DIPK1A: variants seen among roughly 807,000 people sequenced by gnomAD.
DIPK1A encodes family with sequence similarity 69 member A.
In DIPK1A, 27 loss-of-function variants were observed where a neutral mutation model predicts 40.8. The observed-to-expected ratio is 0.66, with a 90% CI of 0.49 to 0.91. DIPK1A has a LOEUF of 0.91. DIPK1A is among the 40% of genes least tolerant of loss of function. DIPK1A has a pLI of 0.00. For synonymous variants in DIPK1A, 166 were observed against 171.3 expected (o/e 0.97, Z 0.24); for missense variants, 412 against 505.7 (o/e 0.81, Z 1.78).
At position 92,843,941 on chromosome 1, in the gene DIPK1A, C is replaced by T; in HGVS notation, c.729G>A (p.Trp243Ter). ...CAGATGGAATAAAAAGTTCAATGAC[C>T]CAAGGAAGGCTTATTCCATAAAGAG... is the stretch of plus-strand genomic sequence containing the variant. ...YTSLYGISLP[W>*]VIELFIPSGF... The change falls in exon 5 of 5, where the codon TGG (tryptophan) becomes TGA (stop). Residue 243 changes from tryptophan to a stop codon, truncating the protein, a stop_gained. Coordinates refer to ENST00000370310, the MANE Select transcript of DIPK1A (RefSeq NM_001006605.5). LOFTEE classifies it high-confidence loss of function. 6.4e-7 allele frequency: 1 copy of T among 1,551,782 alleles called. No homozygotes were observed. The highest frequency in any genetic ancestry group is 8.7e-7 in the Non-Finnish European group (1 of 1,147,032).
At chr1:92,905,893 T>C (rs1239789698) in intron 1 of DIPK1A, among the ~76,000 whole-genome samples, 1 of 152,188 alleles carries the variant, frequency 6.6e-6, no homozygotes, top group Non-Finnish European at 1.5e-5. Flanking sequence ...CTTTCCCCAA[T>C]GTATATTCTT....
chr1:92,853,228 T>C (rs1258092223), intron 2 of DIPK1A, among the ~76,000 whole-genome samples: 1 of 151,776 alleles, frequency 6.6e-6, no homozygotes, highest in Non-Finnish European at 1.5e-5. Flanking sequence ...TGGGAACAAG[T>C]GGAAAAGAAA....
chr1:92,848,489 G>C (rs1485233631), intron 3 of DIPK1A, among the ~76,000 whole-genome samples: 2 of 152,162 alleles, frequency 1.3e-5, no homozygotes, highest in African/African-American at 2.4e-5. Flanking sequence ...TGCCTGGAAT[G>C]TACTCTCCCA....
downstream of DIPK1A, chr1:92,837,478 G>T (rs1397041399): frequency 6.2e-6 from 10 of 1,613,212 alleles, no homozygotes; most frequent in Non-Finnish European, 7.6e-6. Context: ...CCCTGGTTAT[G>T]ATTCTGAAAG....
chr1:92,938,329 A>C (rs772897596), intron 1 of DIPK1A, among the ~76,000 whole-genome samples: 1 of 152,140 alleles, frequency 6.6e-6, no homozygotes, highest in Non-Finnish European at 1.5e-5. Flanking sequence ...ATGGTGGTGC[A>C]TACTTGTAGT....
intron 1 of DIPK1A, among the ~76,000 whole-genome samples, chr1:92,878,304 G>A (rs914053333): frequency 6.6e-6 from 1 of 152,116 alleles, no homozygotes; most frequent in East Asian, 1.9e-4. Context: ...CAGCACTTTC[G>A]GAGGCTGAGG....
At chr1:92,897,173 A>G (rs1246025305) in intron 1 of DIPK1A, among the ~76,000 whole-genome samples, 1 of 152,250 alleles carries the variant, frequency 6.6e-6, no homozygotes, top group African/African-American at 2.4e-5. Context: ...CCAAAGGATT[A>G]TAAATCATGC....
intron 1 of DIPK1A, among the ~76,000 whole-genome samples, chr1:92,950,792 C>T (rs1249755018): frequency 1.3e-5 from 2 of 152,092 alleles, no homozygotes; most frequent in East Asian, 3.8e-4. Context: ...TTTTCATTTT[C>T]CTTCCTTTAA....
chr1:92,924,698 G>A (rs930205938), intron 1 of DIPK1A, among the ~76,000 whole-genome samples: 13 of 152,206 alleles, frequency 8.5e-5, no homozygotes, highest in Non-Finnish European at 1.8e-4. Flanking sequence ...TCTAGATGTC[G>A]CAGTAGATAA....
chr1:92,933,493 G>A (rs554316081), intron 1 of DIPK1A: 52 of 152,288 alleles, frequency 3.4e-4, no homozygotes, highest in African/African-American at 1.3e-3. Flanking sequence ...GAGGCCAGGA[G>A]TTTGAGACCA....
chr1:92,876,580 G>A (rs899481906), intron 1 of DIPK1A, 150 bp from the exon 2 acceptor site: 2 of 750,522 alleles, frequency 2.7e-6, no homozygotes. Context: ...CACTTTCACT[G>A]AGTCCAAACA....
At chr1:92,917,942 GT>G (rs1557484301) in intron 1 of DIPK1A, among the ~76,000 whole-genome samples, 1 of 151,978 alleles carries the variant, frequency 6.6e-6, no homozygotes, top group African/African-American at 2.4e-5. Flanking sequence ...TAAACAATCT[GT>G]TTTATATAAA....
At position 92,842,864 on chromosome 1, in the gene DIPK1A, A is replaced by C. The variant is rs1687432108; in HGVS notation, c.*519T>G. ...GAATGAGGTTAAAAATGGGTGTATAAGTCTTTAATACAGTAAACCATGCTA... is the reference window on the plus strand; with the variant it reads ...GAATGAGGTTAAAAATGGGTGTATACGTCTTTAATACAGTAAACCATGCTA... On this transcript the variant is annotated 3_prime_UTR_variant, in exon 5 of 5. Coordinates refer to ENST00000370310, the MANE Select transcript of DIPK1A (RefSeq NM_001006605.5). The C allele has an allele frequency of 1.0e-6, 1 of 985,578 alleles. No individual in the cohort carries two copies. Among genetic ancestry groups the C allele is most frequent in the African/African-American group, 1.7e-5 (1 of 57,242 alleles). 61.1% of individuals were successfully genotyped at this position (985,578 alleles called of 1,614,324 possible).
chr1:92,943,520 C>A (rs1221202723), intron 1 of DIPK1A, among the ~76,000 whole-genome samples: 1 of 152,090 alleles, frequency 6.6e-6, no homozygotes, highest in African/African-American at 2.4e-5. Context: ...CCCCCAACCA[C>A]CTCCCCCACC....
At chr1:92,839,031 CTTTTTTTTTT>C (rs35078348), downstream of DIPK1A, among the ~76,000 whole-genome samples, 1 of 118,308 alleles carries the variant, frequency 8.5e-6, no homozygotes. Context: ...AGAGTTGCAG[CTTTTTTTTTT>C]TTTTTTTTTC....
At chr1:92,908,539 C>T (rs543858977) in intron 1 of DIPK1A, among the ~76,000 whole-genome samples, 22 of 152,190 alleles carry the variant, frequency 1.4e-4, no homozygotes, top group Non-Finnish European at 2.9e-4. Flanking sequence ...AGAGCAACTT[C>T]ATGGGAGAGA....
At chr1:92,961,004 G>A (rs1652056902) in intron 1 of DIPK1A, among the ~76,000 whole-genome samples, 1 of 152,236 alleles carries the variant, frequency 6.6e-6, no homozygotes, top group Non-Finnish European at 1.5e-5. Flanking sequence ...GAAAACACCA[G>A]GGAGAAGGCG....
At chr1:92,937,319 C>T (rs1650984415) in intron 1 of DIPK1A, among the ~76,000 whole-genome samples, 2 of 151,876 alleles carry the variant, frequency 1.3e-5, no homozygotes, top group South Asian at 2.1e-4. Context: ...AAAAAATAGC[C>T]GGGCATGGTG....
At chr1:92,950,586 G>C (rs957393007) in intron 1 of DIPK1A, among the ~76,000 whole-genome samples, 18 of 152,214 alleles carry the variant, frequency 1.2e-4, no homozygotes, top group African/African-American at 4.3e-4. Flanking sequence ...ATGAAGATGA[G>C]ATGATGCATT....
Sources: gnomAD v4.1 joint callset for allele counts (sites outside exome capture counted in the v4.1 genomes callset) on GRCh38, gnomAD v4.1.1 for gene constraint, MANE v1.5 for transcripts, NCBI Gene and HGNC (gene_info 2026-07-23, HGNC 2026-07-21) for gene names.